Variants in SPDEF observed in about 807,000 individuals in gnomAD.
SPDEF encodes SAM pointed domain-containing Ets transcription factor.
A neutral mutation model predicts 36.0 loss-of-function variants in SPDEF; 12 were observed. That is an observed-to-expected ratio of 0.33 (90% CI 0.21 to 0.54). The LOEUF (loss-of-function observed/expected upper bound fraction) is 0.54, where lower values mean the gene tolerates loss of function less well. Among genes scored for constraint, SPDEF ranks in the 20% least tolerant of loss-of-function variants. SPDEF has a pLI of 0.93. For missense variants in SPDEF, 388 were observed against 456.9 expected, an observed-to-expected ratio of 0.85 and a Z score of 1.37; for synonymous variants, 205 against 193.0, an observed-to-expected ratio of 1.06 and a Z score of -0.51.
At chr6:34,548,938 C>T (rs1171510766) in intron 1 of SPDEF, among the ~76,000 whole-genome samples, 1 of 152,190 alleles carries the variant, frequency 6.6e-6, no homozygotes. Flanking sequence ...CAGGGAGGTG[C>T]CCACAGTCAC....
rs1443741744 is a variant in SPDEF at position 34,544,272 on chromosome 6, A to G, written c.184T>C (p.Tyr62His). ...TCCTCAGGGTACAGCATGTCAAAGT[A>G]GGAGAGGTAGAAGGCGGACAGGCCC... ...EQGLSAFYLS[Y>H]FDMLYPEDSS... The change falls in exon 2 of 6, where the codon TAC becomes CAC. Residue 62 changes from tyrosine (Y) to histidine (H), a missense_variant. Tyr to His is a moderately conservative substitution (Grantham distance 83). Around this residue, in one of 2 missense-constraint regions of SPDEF, gnomAD observed 308 missense variants for 326.1 expected, o/e 0.94. Coordinates refer to ENST00000374037, the MANE Select transcript of SPDEF (RefSeq NM_012391.3). This position sits in a 1 kb window ranked among gnomAD's most constrained non-coding sequence, Gnocchi z 4.4. 1 of 1,613,602 alleles carries G rather than the reference A, an allele frequency of 6.2e-7. No individual in the cohort carries two copies. Among genetic ancestry groups the G allele is most frequent in the Non-Finnish European group, 8.5e-7 (1 of 1,179,924 alleles).
intron 3 of SPDEF, among the ~76,000 whole-genome samples, chr6:34,540,651 AAAAC>A (rs1190616855): frequency 1.3e-5 from 2 of 152,176 alleles, no homozygotes; most frequent in South Asian, 2.1e-4. Context: ...AAAACAAAGA[AAAAC>A]AAACAAAATT....
chr6:34,538,610 A>G lies in SPDEF; in HGVS notation c.830-158T>C, dbSNP rs933264317. Reference sequence around the variant, plus strand: ...GCGGGGTGTGGGGGCCCAAATGCCTACTCCCAAGGTGTAGTTGCGGTGAGG... The same window carrying G: ...GCGGGGTGTGGGGGCCCAAATGCCTGCTCCCAAGGTGTAGTTGCGGTGAGG... On this transcript the variant is annotated intron_variant, in intron 5 of 5. Coordinates refer to ENST00000374037, the MANE Select transcript of SPDEF (RefSeq NM_012391.3). The surrounding 1 kb of genome is among the most constrained non-coding windows in gnomAD (Gnocchi z 5.9). Among the ~76,000 whole-genome samples, 2 of 151,916 alleles carry G rather than the reference A, an allele frequency of 1.3e-5. No individual in the cohort carries two copies. Among genetic ancestry groups the G allele is most frequent in the Admixed American group, 6.6e-5 (1 of 15,242 alleles).
rs369807477 is a variant in SPDEF at position 34,544,572 on chromosome 6, G to A, written c.-29-88C>T. On this transcript the variant is annotated intron_variant, in intron 1 of 5. Coordinates refer to ENST00000374037, the MANE Select transcript of SPDEF (RefSeq NM_012391.3). The surrounding 1 kb of genome is among the most constrained non-coding windows in gnomAD (Gnocchi z 4.4). ...TGGTTATGGGGATGAGGGGCCCTGT[G>A]GACAGTGGGCTGGGCCTGGGACAGA... 4 of 1,121,242 alleles carry A rather than the reference G, an allele frequency of 3.6e-6. No homozygotes were observed. The highest frequency in any genetic ancestry group is 5.4e-5 in the East Asian group (2 of 37,090). 69.5% of individuals were successfully genotyped at this position (1,121,242 alleles called of 1,614,324 possible).
rs985530284 is a variant in SPDEF, at chr6:34,552,103, G to A, written c.-30+3826C>T. Among the ~76,000 whole-genome samples, 23 of 152,032 alleles carry A rather than the reference G, an allele frequency of 1.5e-4. No individual in the cohort carries two copies. The highest frequency in any genetic ancestry group is 5.9e-4 in the Admixed American group (9 of 15,260). ...TCCCCGCTTTGCCATGATGCAGCCC[G>A]GGTCACATGGCTGCCCCTCTCTGGC... is the stretch of plus-strand genomic sequence containing the variant. On this transcript the variant is annotated intron_variant, in intron 1 of 5. Coordinates refer to ENST00000374037, the MANE Select transcript of SPDEF (RefSeq NM_012391.3). This position sits in a 1 kb window ranked among gnomAD's most constrained non-coding sequence, Gnocchi z 4.6.
intron 2 of SPDEF, among the ~76,000 whole-genome samples, chr6:34,541,554 G>T (rs1767823391): frequency 6.6e-6 from 1 of 152,162 alleles, no homozygotes; most frequent in African/African-American, 2.4e-5. Context: ...TCTCCATCAG[G>T]TACTTCTTGC....
At chr6:34,549,671 G>A (rs1239692033) in intron 1 of SPDEF, among the ~76,000 whole-genome samples, 2 of 152,102 alleles carry the variant, frequency 1.3e-5, no homozygotes, top group Admixed American at 6.5e-5. Context: ...CTACCTCCTG[G>A]GGAGATGGTG....
intron 1 of SPDEF, among the ~76,000 whole-genome samples, chr6:34,550,783 G>A (rs1051038201): frequency 6.6e-6 from 1 of 152,282 alleles, no homozygotes; most frequent in African/African-American, 2.4e-5. Flanking sequence ...TGGGGGCGGG[G>A]CCACGTAGCA....
Position 34,539,337 on chromosome 6 carries a change from G to T in SPDEF, c.742C>A (p.Pro248Thr), listed in dbSNP as rs777053477. ...SEVDSSCSGQ[P>T]IHLWQFLKEL... The stretch of plus-strand genomic sequence containing the variant: ...TTGAGGAACTGCCACAGGTGGATGG[G>T]CTGCCCGGAGCATGATGAGTCCACC... The change falls in exon 5 of 6, where the codon CCC becomes ACC. Residue 248 changes from proline (P) to threonine (T), a missense_variant. Around this residue, in one of 2 missense-constraint regions of SPDEF, gnomAD observed 80 missense variants for 130.8 expected, o/e 0.61. Transcript: ENST00000374037. The surrounding 1 kb of genome is among the most constrained non-coding windows in gnomAD (Gnocchi z 5.2). The T allele has an allele frequency of 8.1e-6, 13 of 1,613,804 alleles. No homozygotes were observed. Among genetic ancestry groups the T allele is most frequent in the Non-Finnish European group, 1.1e-5 (13 of 1,180,048 alleles).
Position 34,544,096 on chromosome 6 carries a change from C to T in SPDEF, c.360G>A (p.Glu120=). 1 of 1,613,622 alleles carries T rather than the reference C, an allele frequency of 6.2e-7. No individual in the cohort carries two copies. The highest frequency in any genetic ancestry group is 8.5e-7 in the Non-Finnish European group (1 of 1,179,858). The part of the protein sequence containing the change: ...GGLTLEEHSL[E]QVQSMVVGEV... ...CGCCCACCACCATGGACTGCACCTG[C>T]TCCAGCGAGTGCTCCTCCAAGGTCA... Residue 120 remains glutamate, a synonymous_variant, in exon 2 of 6, where the codon GAG becomes GAA. Transcript: ENST00000374037. The surrounding 1 kb of genome is among the most constrained non-coding windows in gnomAD (Gnocchi z 4.4).
chr6:34,554,595 C>T (rs913016), intron 1 of SPDEF, among the ~76,000 whole-genome samples: 3,756 of 152,352 alleles, frequency 0.025, 123 homozygotes, highest in African/African-American at 0.082. Flanking sequence ...CCACACAGCC[C>T]CACCTGCCTG....
intron 1 of SPDEF, among the ~76,000 whole-genome samples, chr6:34,545,410 C>G (rs568260974): frequency 1.3e-5 from 2 of 152,264 alleles, no homozygotes; most frequent in African/African-American, 4.8e-5. Flanking sequence ...CAAGGCCCTC[C>G]GGGGGAACCA....
chr6:34,541,621 A>AC (rs1281532819), intron 2 of SPDEF, among the ~76,000 whole-genome samples: 1 of 152,162 alleles, frequency 6.6e-6, no homozygotes, highest in African/African-American at 2.4e-5. Context: ...TAGTCTTAGA[A>AC]CCCCACCATT....
In SPDEF at chr6:34,552,975, G is replaced by A. The variant is rs889718411; in HGVS notation, c.-30+2954C>T. ...AGCAGAGAGGCCTGGGCCTTGCCCC[G>A]CAACCAGTCTCAGGCGCTGGAGCCC... On this transcript the variant is annotated intron_variant, in intron 1 of 5. Coordinates refer to ENST00000374037, the MANE Select transcript of SPDEF (RefSeq NM_012391.3). The surrounding 1 kb of genome is among the most constrained non-coding windows in gnomAD (Gnocchi z 4.6). Among the ~76,000 whole-genome samples the A allele has an allele frequency of 1.1e-4, 16 of 152,246 alleles. No individual in the cohort carries two copies. The highest frequency in any genetic ancestry group is 3.1e-4 in the African/African-American group (13 of 41,554).
intron 2 of SPDEF, 119 bp downstream of exon 2, chr6:34,543,901 C>G (rs1767882611): frequency 1.0e-6 from 1 of 963,782 alleles, no homozygotes; most frequent in Admixed American, 2.9e-5. Context: ...ATCCCCAAAG[C>G]TGCCCGAGGC....
At position 34,551,850 on chromosome 6, in the gene SPDEF, C is replaced by A. The variant is rs533883902; in HGVS notation, c.-30+4079G>T. Among the ~76,000 whole-genome samples, 286 of 152,274 alleles carry A rather than the reference C, an allele frequency of 1.9e-3. 1 individual carries two copies. The highest frequency in any genetic ancestry group is 3.7e-3 in the Non-Finnish European group (255 of 68,010). On this transcript the variant is annotated intron_variant, in intron 1 of 5. Transcript: ENST00000374037. ...CAGCCAGCAGGGACCCCAGCCCAGACAAACCTGGGGCTTGCAGTGAGTCAT... is the reference window on the plus strand; with the variant it reads ...CAGCCAGCAGGGACCCCAGCCCAGAAAAACCTGGGGCTTGCAGTGAGTCAT...
chr6:34,549,648 C>T (rs3798549), intron 1 of SPDEF, among the ~76,000 whole-genome samples: 1,707 of 152,280 alleles, frequency 0.011, 46 homozygotes, highest in East Asian at 0.096. Flanking sequence ...TGCTTGGTCC[C>T]GGCTCTCAGG....
At position 34,544,857 on chromosome 6, in the gene SPDEF, G is replaced by T. The variant is rs1767918263; in HGVS notation, c.-29-373C>A. Among the ~76,000 whole-genome samples, 1 of 152,222 alleles carries T rather than the reference G, an allele frequency of 6.6e-6. No homozygotes were observed. The highest frequency in any genetic ancestry group is 1.5e-5 in the Non-Finnish European group (1 of 68,040). On this transcript the variant is annotated intron_variant, in intron 1 of 5. Transcript: ENST00000374037. This position sits in a 1 kb window ranked among gnomAD's most constrained non-coding sequence, Gnocchi z 4.4. ...CCATTTGGCGGATGAGCAAACTGAGGTGGGAACAAGGGGCCCTCAGTGTCC... is the reference window on the plus strand; with the variant it reads ...CCATTTGGCGGATGAGCAAACTGAGTTGGGAACAAGGGGCCCTCAGTGTCC...
In SPDEF at chr6:34,538,187, C is replaced by G. The variant is rs980381148; in HGVS notation, c.*87G>C. ...GGTCAGAGCAGCAGAGCAGACTGCCCGTTTTCCCCCATCTCAGGGCCTGGC... is the reference window on the plus strand; with the variant it reads ...GGTCAGAGCAGCAGAGCAGACTGCCGGTTTTCCCCCATCTCAGGGCCTGGC... On this transcript the variant is annotated 3_prime_UTR_variant, in exon 6 of 6. Transcript: ENST00000374037. This position sits in a 1 kb window ranked among gnomAD's most constrained non-coding sequence, Gnocchi z 5.9. 7.0e-7 allele frequency: 1 copy of G among 1,429,918 alleles called. No homozygotes were observed. Among genetic ancestry groups the G allele is most frequent in the East Asian group, 2.3e-5 (1 of 43,628 alleles). 88.6% of individuals were successfully genotyped at this position (1,429,918 alleles called of 1,614,324 possible). A position where few individuals can be genotyped will look rare whatever the true frequency, so the allele number is the denominator to read the frequency against.
Sources: allele counts gnomAD v4.1 joint callset (sites outside exome capture counted in the v4.1 genomes callset), GRCh38; gene constraint gnomAD v4.1.1; regional missense constraint gnomAD v4.1.1; non-coding constraint Gnocchi (gnomAD v3.1); transcripts MANE v1.5; gene names NCBI Gene and HGNC (gene_info 2026-07-23, HGNC 2026-07-21).